The following EGFLAM variants were observed in gnomAD, a reference collection of about 807,000 sequenced individuals.
EGFLAM encodes pikachurin.
EGFLAM carries 79 observed loss-of-function variants against 113.1 expected under a neutral mutation model. That is an observed-to-expected ratio of 0.70 (90% CI 0.58 to 0.84). EGFLAM has a LOEUF of 0.84. EGFLAM is among the 40% of genes least tolerant of loss of function. The pLI is 0.00. For missense variants in EGFLAM, 1,265 were observed against 1,291.6 expected, an observed-to-expected ratio of 0.98 and a Z score of 0.32; for synonymous variants, 504 against 487.6, an observed-to-expected ratio of 1.03 and a Z score of -0.44.
chr5:38,436,140 G>A (rs1476418825), intron 16 of EGFLAM, among the ~76,000 whole-genome samples: 2 of 151,960 alleles, frequency 1.3e-5, no homozygotes, highest in African/African-American at 4.8e-5. Flanking sequence ...CCTTCTCTTG[G>A]GGCTGCCCAT....
intron 6 of EGFLAM, among the ~76,000 whole-genome samples, chr5:38,388,244 T>C (rs1740715954): frequency 6.6e-6 from 1 of 152,230 alleles, no homozygotes; most frequent in Non-Finnish European, 1.5e-5. Flanking sequence ...AGAGATGAGA[T>C]AGTTACTTAA....
chr5:38,294,300 G>T (rs773826256), intron 1 of EGFLAM, among the ~76,000 whole-genome samples: 19 of 152,154 alleles, frequency 1.2e-4, no homozygotes, highest in Non-Finnish European at 2.6e-4. Context: ...CATCAAACCT[G>T]CTAACATCTC....
intron 6 of EGFLAM, among the ~76,000 whole-genome samples, chr5:38,385,278 A>ACCCCCCCCC (rs1232044947): frequency 2.4e-5 from 1 of 41,010 alleles, no homozygotes; most frequent in Non-Finnish European, 4.9e-5. Context: ...TTTCCCACCC[A>ACCCCCCCCC]CCCCCCCCCC....
intron 6 of EGFLAM, among the ~76,000 whole-genome samples, chr5:38,389,270 T>A (rs1740750840): frequency 6.6e-6 from 1 of 152,226 alleles, no homozygotes; most frequent in South Asian, 2.1e-4. Flanking sequence ...ATGTATAGTT[T>A]AGAGTCCATC....
At position 38,338,754 on chromosome 5, in the gene EGFLAM, G is replaced by T. The variant is rs1739258427; in HGVS notation, c.264G>T (p.Val88=). 6.2e-7 allele frequency: 1 copy of T among 1,614,128 alleles called. No homozygotes were observed. Among genetic ancestry groups the T allele is most frequent in the Non-Finnish European group, 8.5e-7 (1 of 1,180,048 alleles). The change falls in exon 3 of 22, where the codon GTG becomes GTT. Residue 88 remains valine, a synonymous_variant. Coordinates refer to ENST00000322350, the MANE Select transcript of EGFLAM (RefSeq NM_152403.4). The stretch of plus-strand genomic sequence containing the variant: ...CCCTGCAGGAGCAGTTGCACAGCGT[G>T]CCTCTCAGCCGGGACATCCCGACCA... The part of the protein sequence containing the change: ...DKSLQEQLHS[V]PLSRDIPTTE...
intron 4 of EGFLAM, 43 bp downstream of exon 4, chr5:38,350,661 C>G: frequency 6.4e-7 from 1 of 1,551,006 alleles, no homozygotes; most frequent in Non-Finnish European, 8.9e-7. Context: ...AGGCTGCTAT[C>G]CATGCATCCT....
chr5:38,311,930 ATTGT>A (rs1450521309), intron 1 of EGFLAM, among the ~76,000 whole-genome samples: 2 of 152,136 alleles, frequency 1.3e-5, no homozygotes, highest in Non-Finnish European at 2.9e-5. Context: ...TTATATATAT[ATTGT>A]TTATTTCACA....
At chr5:38,453,837 C>T (rs78583491) in intron 19 of EGFLAM, among the ~76,000 whole-genome samples, 1 of 152,166 alleles carries the variant, frequency 6.6e-6, no homozygotes, top group Non-Finnish European at 1.5e-5. Context: ...ATTCACCACC[C>T]ATTCTACTCC....
intron 1 of EGFLAM, chr5:38,282,129 C>T (rs1348616924): frequency 6.6e-6 from 1 of 152,130 alleles, no homozygotes; most frequent in African/African-American, 2.4e-5. Context: ...GATTTCTTGG[C>T]TGTATCTTAT....
intron 9 of EGFLAM, among the ~76,000 whole-genome samples, chr5:38,408,689 C>T (rs534572772): frequency 2.6e-5 from 4 of 152,296 alleles, no homozygotes; most frequent in African/African-American, 7.2e-5. Context: ...TCACTGTGAC[C>T]GTGGTCTTTG....
Position 38,427,249 on chromosome 5 carries a change from T to C in EGFLAM, c.2051T>C (p.Leu684Pro), listed in dbSNP as rs139437819. 6.2e-7 allele frequency: 1 copy of C among 1,613,686 alleles called. No individual in the cohort carries two copies. The highest frequency in any genetic ancestry group is 1.3e-5 in the African/African-American group (1 of 74,882). ...GACTGTGGCTCTGGGACCGGTGTCC[T>C]CAGGTGAGGGCTGAAAACTTCTGGG... ...RFDCGSGTGV[L>P]RSEDPLTLGN... Residue 684 changes from leucine (L) to proline (P), a missense_variant, in exon 14 of 22, where the codon CTC (leucine) becomes CCC (proline). Physicochemically the swap from Leu to Pro is moderately conservative, Grantham distance 98. Coordinates refer to ENST00000322350, the MANE Select transcript of EGFLAM (RefSeq NM_152403.4).
At chr5:38,304,028 C>T (rs909882398) in intron 1 of EGFLAM, among the ~76,000 whole-genome samples, 1 of 151,270 alleles carries the variant, frequency 6.6e-6, no homozygotes, top group Non-Finnish European at 1.5e-5. Context: ...ACTCAGGAGG[C>T]GGAGGCAGGA....
chr5:38,403,697 C>A, intron 6 of EGFLAM: 1 of 1,361,442 alleles, frequency 7.3e-7, no homozygotes, highest in South Asian at 1.4e-5. Flanking sequence ...TCTGGAATTT[C>A]CCATTTAATA....
At chr5:38,453,153 C>A (rs1742976382) in intron 19 of EGFLAM, among the ~76,000 whole-genome samples, 1 of 152,170 alleles carries the variant, frequency 6.6e-6, no homozygotes, top group Admixed American at 6.5e-5. Flanking sequence ...GGGTGGGGTC[C>A]AGCAATCCGT....
chr5:38,342,741 C>A (rs1426967232), intron 3 of EGFLAM, among the ~76,000 whole-genome samples: 1 of 152,104 alleles, frequency 6.6e-6, no homozygotes, highest in African/African-American at 2.4e-5. Context: ...GGTCTTTACA[C>A]TTTTTGATCA....
intron 1 of EGFLAM, chr5:38,286,273 G>C (rs987918810): frequency 3.0e-4 from 45 of 152,348 alleles, no homozygotes; most frequent in African/African-American, 1.0e-3. Flanking sequence ...AAGAGGTTAA[G>C]TAACAGTCAG....
chr5:38,368,792 CATT>C (rs2112030869), intron 5 of EGFLAM, among the ~76,000 whole-genome samples: 1 of 152,184 alleles, frequency 6.6e-6, no homozygotes, highest in Non-Finnish European at 1.5e-5. Context: ...TGGGCCTCAC[CATT>C]TATCAGCTAT....
intron 6 of EGFLAM, among the ~76,000 whole-genome samples, chr5:38,399,102 C>A (rs1355338452): frequency 6.6e-6 from 1 of 152,112 alleles, no homozygotes; most frequent in African/African-American, 2.4e-5. Context: ...TCTGTCCAGT[C>A]CAGACTATGG....
At chr5:38,365,539 A>AT (rs548287536) in intron 5 of EGFLAM, among the ~76,000 whole-genome samples, 52 of 152,314 alleles carry the variant, frequency 3.4e-4, no homozygotes, top group Non-Finnish European at 6.0e-4. Flanking sequence ...CATCTAAGGT[A>AT]TTCTAGGGGG....
Sources: gnomAD v4.1 joint callset for allele counts (sites outside exome capture counted in the v4.1 genomes callset) on GRCh38, gnomAD v4.1.1 for gene constraint, MANE v1.5 for transcripts, NCBI Gene and HGNC (gene_info 2026-07-23, HGNC 2026-07-21) for gene names.